Variants in PCDH9 observed in about 807,000 individuals in gnomAD.
The protein encoded by PCDH9 is protocadherin 9, also known as protocadherin-9.
A neutral mutation model predicts 70.6 loss-of-function variants in PCDH9; 24 were observed. The ratio of observed to expected loss-of-function variants is 0.34; its 90% CI spans 0.25 to 0.48. The LOEUF is 0.48. Ranked by LOEUF, PCDH9 falls within the 20% of genes least tolerant of loss-of-function variation. The pLI, the probability that PCDH9 is intolerant of heterozygous loss-of-function variation, is 0.99. For missense variants in PCDH9, 1,281 were observed against 1,503.6 expected, an observed-to-expected ratio of 0.85 and a Z score of 2.45; for synonymous variants, 562 against 558.5, an observed-to-expected ratio of 1.01 and a Z score of -0.09.
chr13:66,904,624 T>G (rs973590282), intron 2 of PCDH9, among the ~76,000 whole-genome samples: 6 of 151,984 alleles, frequency 3.9e-5, no homozygotes, highest in Non-Finnish European at 7.4e-5. Context: ...AAAACTAGTA[T>G]GCCATGTTTC....
At chr13:66,315,964 C>T (rs140085416) in intron 4 of PCDH9, among the ~76,000 whole-genome samples, 6 of 152,296 alleles carry the variant, frequency 3.9e-5, no homozygotes, top group African/African-American at 1.4e-4. Flanking sequence ...TGAAATCAGT[C>T]TCACTGGGCT....
At chr13:66,782,327 C>A (rs2139300807) in intron 3 of PCDH9, among the ~76,000 whole-genome samples, 1 of 152,136 alleles carries the variant, frequency 6.6e-6, no homozygotes, top group Middle Eastern at 3.4e-3. Flanking sequence ...AACAAAAGAA[C>A]TAAGAAAGCA....
chr13:66,824,689 T>TGC (rs2080782918), intron 3 of PCDH9, among the ~76,000 whole-genome samples: 1 of 92,148 alleles, frequency 1.1e-5, no homozygotes, highest in Non-Finnish European at 2.4e-5. Flanking sequence ...TATATATATA[T>TGC]ATATATATGC....
chr13:66,866,634 T>G (rs2081581001), intron 3 of PCDH9, among the ~76,000 whole-genome samples: 1 of 149,208 alleles, frequency 6.7e-6, no homozygotes, highest in Non-Finnish European at 1.5e-5. Flanking sequence ...CCATCTTTAC[T>G]AAAAATACAA....
At chr13:67,129,509 T>A (rs1297650275) in intron 2 of PCDH9, among the ~76,000 whole-genome samples, 1 of 152,102 alleles carries the variant, frequency 6.6e-6, no homozygotes, top group Admixed American at 6.6e-5. Flanking sequence ...TTGTACCATG[T>A]GAATTTATTA....
intron 3 of PCDH9, among the ~76,000 whole-genome samples, chr13:66,896,602 ATGCATATC>A (rs1354330811): frequency 1.3e-5 from 2 of 152,210 alleles, no homozygotes; most frequent in African/African-American, 4.8e-5. Context: ...ATCTGTAAAT[ATGCATATC>A]TGCATTTACA....
intron 3 of PCDH9, among the ~76,000 whole-genome samples, chr13:66,820,648 C>A (rs2080694703): frequency 6.6e-6 from 1 of 152,078 alleles, no homozygotes; most frequent in Non-Finnish European, 1.5e-5. Flanking sequence ...TACATATACA[C>A]CATGGAATAC....
In PCDH9 at chr13:67,227,890, C is replaced by T; in HGVS notation, c.551G>A (p.Gly184Glu). 1 of 1,614,034 alleles carries T rather than the reference C, an allele frequency of 6.2e-7. No individual in the cohort carries two copies. The highest frequency in any genetic ancestry group is 1.7e-4 in the Middle Eastern group (1 of 6,060). ...NGVQHYELLN[G>E]QSVFGLDIVE... ...GATATCCAGTCCAAAAACACTCTGC[C>T]CATTTAACAATTCATAATGCTGTAC... is the stretch of plus-strand genomic sequence containing the variant. Residue 184 changes from glycine to glutamate, a missense_variant, in exon 2 of 5, where the codon GGG becomes GAG. Transcript: ENST00000377865. This position sits in a 1 kb window ranked among gnomAD's most constrained non-coding sequence, Gnocchi z 4.6.
At chr13:66,468,178 G>A (rs1017279421) in intron 4 of PCDH9, among the ~76,000 whole-genome samples, 2 of 151,898 alleles carry the variant, frequency 1.3e-5, no homozygotes, top group African/African-American at 2.4e-5. Context: ...TCTCATCCCA[G>A]GAAATACCAC....
intron 4 of PCDH9, among the ~76,000 whole-genome samples, chr13:66,377,059 A>C (rs1269800533): frequency 6.6e-6 from 1 of 152,174 alleles, no homozygotes; most frequent in Non-Finnish European, 1.5e-5. Context: ...ATAGGTACGG[A>C]GAGAATTTGT....
chr13:66,857,350 T>C (rs1454191990), intron 3 of PCDH9, among the ~76,000 whole-genome samples: 2 of 152,176 alleles, frequency 1.3e-5, no homozygotes, highest in Admixed American at 1.3e-4. Flanking sequence ...TTTGGTTTAC[T>C]GAAATCCCTT....
In PCDH9 at chr13:66,409,398, C is replaced by G. The variant is rs144810191; in HGVS notation, c.3341-104370G>C. On this transcript the variant is annotated intron_variant, in intron 4 of 4. Transcript: ENST00000377865. ...TTTGGTTTGCACTAATTGTTGTCCTCCCCCTTTTTTCCCTATGAAAACACA... is the reference window on the plus strand; with the variant it reads ...TTTGGTTTGCACTAATTGTTGTCCTGCCCCTTTTTTCCCTATGAAAACACA... 4.6e-5 allele frequency among the ~76,000 whole-genome samples: 7 copies of G among 152,218 alleles called. No individual in the cohort carries two copies. In the East Asian group the frequency reaches 1.4e-3, roughly 29 times the overall value.
At chr13:67,214,214 G>A (rs2089537232) in intron 2 of PCDH9, 1 of 152,158 alleles carries the variant, frequency 6.6e-6, no homozygotes, top group African/African-American at 2.4e-5. Context: ...GTTAAATTAA[G>A]AAAAATAGTA....
intron 2 of PCDH9, among the ~76,000 whole-genome samples, chr13:67,182,983 C>T (rs995318488): frequency 6.6e-6 from 1 of 152,074 alleles, no homozygotes; most frequent in Non-Finnish European, 1.5e-5. Flanking sequence ...TACCTTAGTG[C>T]AATTTTCTTA....
At position 67,161,132 on chromosome 13, in the gene PCDH9, A is replaced by G. The variant is rs187051286; in HGVS notation, c.3036+64273T>C. Among the ~76,000 whole-genome samples the G allele has an allele frequency of 1.0e-3, 156 of 152,354 alleles. 1 individual carries two copies. The highest frequency in any genetic ancestry group is 3.6e-3 in the African/African-American group (149 of 41,578). On this transcript the variant is annotated intron_variant, in intron 2 of 4. Coordinates refer to ENST00000377865, the MANE Select transcript of PCDH9 (RefSeq NM_203487.3). ...ACAATCCAGGTGTCTGGAGGAAACC[A>G]TTTCCAATACCCTTCCTGATTGCAG...
intron 2 of PCDH9, among the ~76,000 whole-genome samples, chr13:66,962,123 T>C (rs990128856): frequency 6.6e-6 from 1 of 151,830 alleles, no homozygotes; most frequent in Non-Finnish European, 1.5e-5. Flanking sequence ...ATAAAAATTG[T>C]AAAACAAGCA....
At chr13:67,203,394 G>T (rs1232242816) in intron 2 of PCDH9, 3 of 152,000 alleles carry the variant, frequency 2.0e-5, no homozygotes, top group Non-Finnish European at 4.4e-5. Flanking sequence ...GCATACTTAA[G>T]TTGCTGATAT....
intron 2 of PCDH9, among the ~76,000 whole-genome samples, chr13:67,104,443 A>G (rs902935860): frequency 1.8e-4 from 28 of 152,280 alleles, no homozygotes; most frequent in South Asian, 4.1e-4. Flanking sequence ...CCCAATTACA[A>G]CATAGGTTTC....
At chr13:66,781,162 T>G (rs2079992294) in intron 3 of PCDH9, among the ~76,000 whole-genome samples, 1 of 152,194 alleles carries the variant, frequency 6.6e-6, no homozygotes, top group Admixed American at 6.5e-5. Flanking sequence ...TGGGCCAACT[T>G]CTACTTACTT....
Sources: allele counts gnomAD v4.1 joint callset (sites outside exome capture counted in the v4.1 genomes callset), GRCh38; gene constraint gnomAD v4.1.1; non-coding constraint Gnocchi (gnomAD v3.1); transcripts MANE v1.5; gene names NCBI Gene and HGNC (gene_info 2026-07-23, HGNC 2026-07-21).